Variants in ASCC3 observed in about 807,000 individuals in gnomAD.
ASCC3 encodes the protein activating signal cointegrator 1 complex subunit 3.
In ASCC3, 158 loss-of-function variants were observed where a neutral mutation model predicts 256.3. The observed-to-expected ratio is 0.62, with a 90% confidence interval of 0.54 to 0.70. ASCC3 has a LOEUF of 0.70. Ranked by LOEUF, ASCC3 falls within the 30% of genes least tolerant of loss-of-function variation. The probability of loss-of-function intolerance (pLI) is 0.00; values close to 1 mark genes in which losing one functional copy is unlikely to be tolerated. For missense variants in ASCC3, 2,259 were observed against 2,626.0 expected (o/e 0.86, Z 3.05); for synonymous variants, 948 against 883.4 (o/e 1.07, Z -1.30).
intron 1 of ASCC3, among the ~76,000 whole-genome samples, chr6:100,870,569 C>T (rs998597900): frequency 6.6e-6 from 1 of 152,108 alleles, no homozygotes; most frequent in African/African-American, 2.4e-5. Flanking sequence ...TAAAAACAAA[C>T]ATGATTGCAC....
chr6:100,737,300 ATGG>A, intron 10 of ASCC3, among the ~76,000 whole-genome samples: 1 of 151,884 alleles, frequency 6.6e-6, no homozygotes, highest in East Asian at 1.9e-4. Context: ...AACGTGTGCC[ATGG>A]TGGTTTGCTG....
Position 100,685,461 on chromosome 6 carries a change from A to G in ASCC3, c.2152-5709T>C, listed in dbSNP as rs887172758. ...TGGTTCCCTGATCAGCAGCATCAGC[A>G]GCAGCAGCAGTGTCCCTGAGTCAGA... On this transcript the variant is annotated intron_variant, in intron 13 of 41. Transcript: ENST00000369162. 8.5e-5 allele frequency among the ~76,000 whole-genome samples: 13 copies of G among 152,274 alleles called. No individual in the cohort carries two copies. In the East Asian group the frequency reaches 2.5e-3, roughly 29 times the overall value.
intron 13 of ASCC3, among the ~76,000 whole-genome samples, chr6:100,692,891 CCA>C (rs1198305571): frequency 6.6e-6 from 1 of 151,800 alleles, no homozygotes; most frequent in African/African-American, 2.4e-5. Flanking sequence ...CTATTAAATA[CCA>C]TCTTTGAAAT....
intron 30 of ASCC3, among the ~76,000 whole-genome samples, chr6:100,613,450 T>A (rs1773509090): frequency 6.6e-6 from 1 of 152,128 alleles, no homozygotes; most frequent in African/African-American, 2.4e-5. Flanking sequence ...CCTATATAGT[T>A]CCATCCATGC....
At chr6:100,785,721 T>G (rs1228490063) in intron 8 of ASCC3, among the ~76,000 whole-genome samples, 1 of 152,158 alleles carries the variant, frequency 6.6e-6, no homozygotes, top group Non-Finnish European at 1.5e-5. Flanking sequence ...TCATTTACAC[T>G]GTATAAAATA....
At position 100,646,654 on chromosome 6, in the gene ASCC3, C is replaced by T. The variant is rs1282381747; in HGVS notation, c.3594G>A (p.Val1198=). The T allele has an allele frequency of 6.2e-7, 1 of 1,613,936 alleles. No homozygotes were observed. Among genetic ancestry groups the T allele is most frequent in the African/African-American group, 1.3e-5 (1 of 74,908 alleles). ...IQPITRTVLR[V]TLSIYADFTW... ...TGAAATCAGCATAGATGCTGAGTGT[C>T]ACTCGGAGGACAGTCCTTGTGATAG... The change falls in exon 22 of 42, where the codon GTG becomes GTA. Residue 1198 remains valine, a synonymous_variant. Coordinates refer to ENST00000369162, the MANE Select transcript of ASCC3 (RefSeq NM_006828.4).
In ASCC3 at chr6:100,546,092, T is replaced by G. The variant is rs765877817; in HGVS notation, c.5551-5705A>C. Among the ~76,000 whole-genome samples the G allele has an allele frequency of 2.6e-5, 4 of 152,338 alleles. No homozygotes were observed. The East Asian group carries it at 7.7e-4, about 29-fold the overall frequency. ...ACAAAATTAATATACAAAAATTGATTGTATTTTTCTGTATATTTGGAACCA... is the reference window on the plus strand; with the variant it reads ...ACAAAATTAATATACAAAAATTGATGGTATTTTTCTGTATATTTGGAACCA... On this transcript the variant is annotated intron_variant, in intron 36 of 41. Coordinates refer to ENST00000369162, the MANE Select transcript of ASCC3 (RefSeq NM_006828.4).
intron 10 of ASCC3, among the ~76,000 whole-genome samples, chr6:100,733,987 T>C (rs553606186): frequency 2.0e-5 from 3 of 152,322 alleles, no homozygotes; most frequent in South Asian, 4.1e-4. Flanking sequence ...CCCTGTCTTA[T>C]GATAGTTCTT....
chr6:100,577,153 A>G (rs780963728), intron 36 of ASCC3, among the ~76,000 whole-genome samples: 2 of 152,064 alleles, frequency 1.3e-5, no homozygotes, highest in Non-Finnish European at 2.9e-5. Flanking sequence ...TGTAAAAAAA[A>G]TCACCTATCA....
intron 37 of ASCC3, among the ~76,000 whole-genome samples, chr6:100,525,262 A>G (rs1189379759): frequency 1.3e-5 from 2 of 151,706 alleles, no homozygotes; most frequent in Non-Finnish European, 2.9e-5. Flanking sequence ...TTCAAATTAA[A>G]TGACATGGGG....
intron 4 of ASCC3, among the ~76,000 whole-genome samples, chr6:100,807,714 C>T (rs960085305): frequency 2.0e-5 from 3 of 151,596 alleles, no homozygotes; most frequent in Non-Finnish European, 4.4e-5. Flanking sequence ...TAAGAATGTC[C>T]GTAAGTAATG....
intron 34 of ASCC3, among the ~76,000 whole-genome samples, chr6:100,590,390 A>T (rs1269344712): frequency 2.1e-4 from 32 of 152,118 alleles, no homozygotes; most frequent in Admixed American, 2.1e-3. Flanking sequence ...CCAAGCAAAA[A>T]GCCTAAAGAC....
chr6:100,528,258 A>C (rs1450999556), intron 37 of ASCC3, among the ~76,000 whole-genome samples: 1 of 152,244 alleles, frequency 6.6e-6, no homozygotes, highest in Non-Finnish European at 1.5e-5. Context: ...AATGTAATAT[A>C]ATTTTAGTTT....
At chr6:100,866,701 G>A (rs1773498431) in intron 2 of ASCC3, among the ~76,000 whole-genome samples, 1 of 152,152 alleles carries the variant, frequency 6.6e-6, no homozygotes, top group Non-Finnish European at 1.5e-5. Context: ...ATCATGTGAG[G>A]ACACAGCAGG....
At chr6:100,788,085 C>A (rs1225935786) in intron 8 of ASCC3, among the ~76,000 whole-genome samples, 3 of 151,756 alleles carry the variant, frequency 2.0e-5, no homozygotes. Context: ...TGAAAACGGA[C>A]TGTATTCAGA....
intron 10 of ASCC3, among the ~76,000 whole-genome samples, chr6:100,728,280 G>A (rs1310148440): frequency 6.6e-6 from 1 of 152,026 alleles, no homozygotes; most frequent in Non-Finnish European, 1.5e-5. Flanking sequence ...GATAGACAGA[G>A]AGAAGTGACA....
intron 2 of ASCC3, among the ~76,000 whole-genome samples, chr6:100,865,382 A>G (rs1773428132): frequency 6.6e-6 from 1 of 152,204 alleles, no homozygotes; most frequent in Non-Finnish European, 1.5e-5. Flanking sequence ...TAAATTTTAA[A>G]ATCTTCTGTT....
chr6:100,670,004 G>C (rs1345449768), intron 14 of ASCC3, among the ~76,000 whole-genome samples: 4 of 151,110 alleles, frequency 2.6e-5, no homozygotes, highest in African/African-American at 4.9e-5. Flanking sequence ...ATTTCTACAT[G>C]GTAAAAAAAA....
chr6:100,753,697 G>A (rs1781049524), intron 10 of ASCC3, among the ~76,000 whole-genome samples: 1 of 152,012 alleles, frequency 6.6e-6, no homozygotes, highest in Admixed American at 6.6e-5. Flanking sequence ...CTATCTAGAG[G>A]AGAAAATTAG....
Sources: allele counts gnomAD v4.1 joint callset (sites outside exome capture counted in the v4.1 genomes callset), GRCh38; gene constraint gnomAD v4.1.1; transcripts MANE v1.5; gene names NCBI Gene and HGNC (gene_info 2026-07-23, HGNC 2026-07-21).